CTNNA2: variants seen among roughly 807,000 people sequenced by gnomAD.
CTNNA2 encodes catenin alpha-2.
CTNNA2 carries 42 observed loss-of-function variants against 101.0 expected under a neutral mutation model. The observed-to-expected ratio is 0.42, with a 90% CI of 0.32 to 0.54. CTNNA2 has a LOEUF of 0.54. Among genes scored for constraint, CTNNA2 ranks in the 20% least tolerant of loss-of-function variants. CTNNA2 has a pLI of 0.14. For missense variants in CTNNA2, 871 were observed against 1,223.1 expected (o/e 0.71, Z 4.29); for synonymous variants, 450 against 456.4 (o/e 0.99, Z 0.18).
intron 1 of CTNNA2, among the ~76,000 whole-genome samples, chr2:79,584,869 G>C (rs893887818): frequency 2.6e-5 from 4 of 152,162 alleles, no homozygotes; most frequent in Non-Finnish European, 5.9e-5. Context: ...CTGGCTCTGT[G>C]TATGCACCAG....
At chr2:80,141,647 T>G (rs1703017608) in intron 7 of CTNNA2, among the ~76,000 whole-genome samples, 2 of 151,980 alleles carry the variant, frequency 1.3e-5, no homozygotes, top group Non-Finnish European at 2.9e-5. Context: ...ACCAGTGAGA[T>G]GGAGCAGGGA....
intron 2 of CTNNA2, among the ~76,000 whole-genome samples, chr2:79,265,166 T>C (rs1674972940): frequency 6.6e-6 from 1 of 152,220 alleles, no homozygotes; most frequent in Non-Finnish European, 1.5e-5. Context: ...CTGCCTCAAA[T>C]TGCCGGTTGG....
At chr2:79,945,980 T>G (rs1688465704) in intron 7 of CTNNA2, among the ~76,000 whole-genome samples, 1 of 152,034 alleles carries the variant, frequency 6.6e-6, no homozygotes, top group Non-Finnish European at 1.5e-5. Flanking sequence ...GTGAAATAAT[T>G]CAAGGAGAAG....
chr2:80,486,004 T>C (rs957404992), intron 9 of CTNNA2, among the ~76,000 whole-genome samples: 1 of 152,184 alleles, frequency 6.6e-6, no homozygotes, highest in Non-Finnish European at 1.5e-5. Context: ...TTTGGTTCCA[T>C]TCTTTTTCCA....
chr2:80,281,504 A>G (rs1285034526), intron 7 of CTNNA2, among the ~76,000 whole-genome samples: 6 of 152,082 alleles, frequency 3.9e-5, no homozygotes, highest in African/African-American at 9.7e-5. Context: ...TCAAAGGGCA[A>G]TTTCTCCTTA....
At chr2:79,586,466 GTT>G (rs1035872851) in intron 1 of CTNNA2, among the ~76,000 whole-genome samples, 7 of 150,486 alleles carry the variant, frequency 4.7e-5, no homozygotes, top group Non-Finnish European at 3.0e-5. Context: ...CTTGCTCATA[GTT>G]TTTCTTTTCT....
At chr2:79,665,126 C>T (rs1346918592) in intron 2 of CTNNA2, among the ~76,000 whole-genome samples, 2 of 152,082 alleles carry the variant, frequency 1.3e-5, no homozygotes, top group Non-Finnish European at 2.9e-5. Context: ...CTCTAAAACC[C>T]TGGGTCTCTC....
At chr2:80,399,582 G>C (rs775738858) in intron 8 of CTNNA2, among the ~76,000 whole-genome samples, 1 of 152,140 alleles carries the variant, frequency 6.6e-6, no homozygotes, top group Non-Finnish European at 1.5e-5. Flanking sequence ...TGAAGTGGAA[G>C]CTTCAACTAC....
chr2:80,090,146 CTGTGTGTG>C (rs35203371), intron 7 of CTNNA2, among the ~76,000 whole-genome samples: 4,795 of 140,644 alleles, frequency 0.034, 184 homozygotes, highest in African/African-American at 0.095. Flanking sequence ...CTCTCTCTCT[CTGTGTGTG>C]TGTGTGTGTG....
rs1174008358 is a variant in CTNNA2 at position 79,269,266 on chromosome 2, G to C, written c.-405-43443G>C. Among the ~76,000 whole-genome samples, 3 of 152,140 alleles carry C rather than the reference G, an allele frequency of 2.0e-5. No homozygotes were observed. In the East Asian group the frequency reaches 5.8e-4, roughly 29 times the overall value. ...CTTAAAATATTGACAGCCTAAGCCA[G>C]CAGCTAAAGGAAGGCTATATTTGAG... is the stretch of plus-strand genomic sequence containing the variant. On this transcript the variant is annotated intron_variant, in intron 2 of 21. Transcript: ENST00000466387.
intron 2 of CTNNA2, among the ~76,000 whole-genome samples, chr2:79,305,246 A>C (rs1676206920): frequency 6.6e-6 from 1 of 151,284 alleles, no homozygotes; most frequent in Non-Finnish European, 1.5e-5. Context: ...ACACACACAC[A>C]AACACATCTC....
At chr2:79,691,501 A>G (rs1684296356) in intron 2 of CTNNA2, among the ~76,000 whole-genome samples, 1 of 151,150 alleles carries the variant, frequency 6.6e-6, no homozygotes, top group African/African-American at 2.5e-5. Flanking sequence ...CTATATTGAA[A>G]AACAATTAGA....
chr2:79,461,940 A>C (rs17763230), intron 4 of CTNNA2, among the ~76,000 whole-genome samples: 27,940 of 151,854 alleles, frequency 0.18, 2,676 homozygotes, highest in Middle Eastern at 0.32. Flanking sequence ...GTACAGTAGC[A>C]AAAATTTTTT....
At chr2:79,371,201 C>T (rs559409431) in intron 3 of CTNNA2, among the ~76,000 whole-genome samples, 1 of 151,938 alleles carries the variant, frequency 6.6e-6, no homozygotes, top group Non-Finnish European at 1.5e-5. Flanking sequence ...TGGTGAAAGG[C>T]CCACGGGGTG....
chr2:80,005,765 GTTTA>G (rs1161669556), intron 7 of CTNNA2, among the ~76,000 whole-genome samples: 1 of 102,306 alleles, frequency 9.8e-6, no homozygotes, highest in Non-Finnish European at 2.3e-5. Flanking sequence ...TTATCACTAT[GTTTA>G]TTTGTTTTTT....
intron 2 of CTNNA2, among the ~76,000 whole-genome samples, chr2:79,246,420 G>C (rs151018226): frequency 6.6e-6 from 1 of 152,070 alleles, no homozygotes; most frequent in African/African-American, 2.4e-5. Flanking sequence ...TCTATGCCAC[G>C]CATTTTCTGT....
chr2:80,120,852 A>T (rs1048736233), intron 7 of CTNNA2, among the ~76,000 whole-genome samples: 1 of 152,160 alleles, frequency 6.6e-6, no homozygotes, highest in African/African-American at 2.4e-5. Context: ...AACCACTGAC[A>T]TTTGGTTTAA....
chr2:79,247,808 T>A (rs1674718044), intron 2 of CTNNA2, among the ~76,000 whole-genome samples: 1 of 152,120 alleles, frequency 6.6e-6, no homozygotes, highest in African/African-American at 2.4e-5. Context: ...GAAGATGCCA[T>A]GTTGATGGCC....
chr2:80,101,495 GA>G (rs1198413015), intron 7 of CTNNA2, among the ~76,000 whole-genome samples: 4 of 152,090 alleles, frequency 2.6e-5, no homozygotes, highest in African/African-American at 7.2e-5. Flanking sequence ...CTTTCATTCA[GA>G]AACCTGAAGT....
Sources: gnomAD v4.1 joint callset for allele counts (sites outside exome capture counted in the v4.1 genomes callset) on GRCh38, gnomAD v4.1.1 for gene constraint, MANE v1.5 for transcripts, NCBI Gene and HGNC (gene_info 2026-07-23, HGNC 2026-07-21) for gene names.